RNF150: variants seen among roughly 807,000 people sequenced by gnomAD.
RNF150 encodes ring finger protein 150.
In RNF150, 24 loss-of-function variants were observed where a neutral mutation model predicts 39.3. The observed-to-expected ratio is 0.61, with a 90% confidence interval of 0.44 to 0.86. The LOEUF is 0.86. Among genes scored for constraint, RNF150 ranks in the 40% least tolerant of loss-of-function variants. The pLI is 0.00. For synonymous variants in RNF150, 255 were observed against 227.3 expected (o/e 1.12, Z -1.10); for missense variants, 502 against 587.8 (o/e 0.85, Z 1.51).
chr4:141,089,675 A>C (rs996236609), intron 1 of RNF150, among the ~76,000 whole-genome samples: 2 of 152,244 alleles, frequency 1.3e-5, no homozygotes, highest in Non-Finnish European at 2.9e-5. Context: ...GTGAAGGTAC[A>C]GAAGACCACT....
At chr4:140,952,607 G>T (rs563059109) in intron 2 of RNF150, among the ~76,000 whole-genome samples, 1 of 152,148 alleles carries the variant, frequency 6.6e-6, no homozygotes, top group Non-Finnish European at 1.5e-5. Context: ...TGGCAGGTCC[G>T]TTGAGGAAAT....
At chr4:140,940,619 G>C (rs1278722335) in intron 4 of RNF150, among the ~76,000 whole-genome samples, 1 of 152,186 alleles carries the variant, frequency 6.6e-6, no homozygotes, top group Non-Finnish European at 1.5e-5. Context: ...CCAAGGAACT[G>C]GCCAAAACCA....
intron 1 of RNF150, among the ~76,000 whole-genome samples, chr4:141,151,525 A>G (rs1468620101): frequency 1.3e-5 from 2 of 152,002 alleles, no homozygotes; most frequent in Non-Finnish European, 1.5e-5. Context: ...TAAAATGGTT[A>G]TATACAATTA....
At chr4:141,005,195 A>T (rs1332139579) in intron 1 of RNF150, among the ~76,000 whole-genome samples, 8 of 152,160 alleles carry the variant, frequency 5.3e-5, no homozygotes, top group Non-Finnish European at 1.0e-4. Context: ...CCATATTTGG[A>T]GTAGAAGATA....
At chr4:141,178,715 G>A (rs909575493) in intron 1 of RNF150, among the ~76,000 whole-genome samples, 2 of 151,644 alleles carry the variant, frequency 1.3e-5, no homozygotes, top group Non-Finnish European at 2.9e-5. Context: ...AGGGCAGGTG[G>A]GATCCATGTG....
intron 1 of RNF150, among the ~76,000 whole-genome samples, chr4:141,024,931 T>C (rs954723254): frequency 6.6e-6 from 1 of 152,088 alleles, no homozygotes; most frequent in East Asian, 1.9e-4. Flanking sequence ...GAATAGGGAG[T>C]CTGGTTAATG....
chr4:141,052,780 T>G (rs2110894996), intron 1 of RNF150, among the ~76,000 whole-genome samples: 1 of 152,320 alleles, frequency 6.6e-6, no homozygotes, highest in South Asian at 2.1e-4. Flanking sequence ...GAACAGATTC[T>G]ACTCAGCTCT....
At chr4:141,180,072 A>C (rs1355487792) in intron 1 of RNF150, among the ~76,000 whole-genome samples, 24 of 152,092 alleles carry the variant, frequency 1.6e-4, no homozygotes, top group Admixed American at 1.6e-3. Flanking sequence ...AGACTGTCTG[A>C]CTGATTGTTG....
chr4:141,198,051 A>C (rs915455131), intron 1 of RNF150, among the ~76,000 whole-genome samples: 1 of 100,114 alleles, frequency 1.0e-5, no homozygotes. Flanking sequence ...TTTTTTTTGG[A>C]GTTTTGCTCT....
At chr4:141,022,265 G>A (rs1735525034) in intron 1 of RNF150, among the ~76,000 whole-genome samples, 1 of 151,864 alleles carries the variant, frequency 6.6e-6, no homozygotes, top group Admixed American at 6.6e-5. Context: ...CAGCTCTCTG[G>A]AAGCCTCAGA....
chr4:141,011,172 G>C, intron 1 of RNF150, among the ~76,000 whole-genome samples: 1 of 151,318 alleles, frequency 6.6e-6, no homozygotes. Flanking sequence ...CGGAAAGCAA[G>C]CAATTTTACT....
intron 1 of RNF150, among the ~76,000 whole-genome samples, chr4:141,114,675 T>C (rs1468297714): frequency 6.6e-6 from 1 of 152,090 alleles, no homozygotes. Context: ...TATCGAAACC[T>C]GGCAGAGACA....
chr4:141,059,735 A>G (rs959580745), intron 1 of RNF150, among the ~76,000 whole-genome samples: 1 of 152,164 alleles, frequency 6.6e-6, no homozygotes, highest in East Asian at 1.9e-4. Context: ...GAATTTCATA[A>G]CAAAAAAGAA....
At chr4:141,051,374 C>T (rs1393622524) in intron 1 of RNF150, among the ~76,000 whole-genome samples, 1 of 152,200 alleles carries the variant, frequency 6.6e-6, no homozygotes, top group Non-Finnish European at 1.5e-5. Context: ...TTGAATTTCT[C>T]CTCAGAAAAT....
intron 2 of RNF150, among the ~76,000 whole-genome samples, chr4:140,950,225 T>C (rs1386119116): frequency 6.6e-6 from 1 of 152,232 alleles, no homozygotes; most frequent in Non-Finnish European, 1.5e-5. Flanking sequence ...GTGTATCTGT[T>C]GTAGTAAAAC....
chr4:141,142,238 T>C (rs1727128250), intron 1 of RNF150, among the ~76,000 whole-genome samples: 1 of 152,216 alleles, frequency 6.6e-6, no homozygotes, highest in South Asian at 2.1e-4. Flanking sequence ...ACCTATCATC[T>C]ACTTTTACCC....
chr4:140,990,462 A>G (rs2111477599), intron 1 of RNF150, among the ~76,000 whole-genome samples: 1 of 152,244 alleles, frequency 6.6e-6, no homozygotes, highest in East Asian at 1.9e-4. Context: ...CCTAGCATAC[A>G]TTAACTGTTT....
At chr4:140,947,593 G>A in intron 4 of RNF150, 61 bp downstream of exon 4, 1 of 1,250,758 alleles carries the variant, frequency 8.0e-7, no homozygotes, top group Admixed American at 1.7e-5. Flanking sequence ...GGGCCAGGGA[G>A]GCCACGCAGG....
In RNF150 at chr4:141,132,194, G is replaced by A; in HGVS notation, c.484+131C>T. On this transcript the variant is annotated intron_variant, in intron 1 of 6. Transcript: ENST00000515673. This position sits in a 1 kb window ranked among gnomAD's most constrained non-coding sequence, Gnocchi z 4.9. ...AGTGACGCGGAGCAAAACTTAATCG[G>A]TCCAGGGAACCCAGACACGTCTTCC... 1 of 942,182 alleles carries A rather than the reference G, an allele frequency of 1.1e-6. No homozygotes were observed. The highest frequency in any genetic ancestry group is 1.6e-6 in the Non-Finnish European group (1 of 627,114). 58.4% of individuals were successfully genotyped at this position (942,182 alleles called of 1,614,324 possible). A position where few individuals can be genotyped will look rare whatever the true frequency, so the allele number is the denominator to read the frequency against.
Sources: gnomAD v4.1 joint callset for allele counts (sites outside exome capture counted in the v4.1 genomes callset) on GRCh38, gnomAD v4.1.1 for gene constraint, Gnocchi (gnomAD v3.1) non-coding constraint, MANE v1.5 for transcripts, NCBI Gene and HGNC (gene_info 2026-07-23, HGNC 2026-07-21) for gene names.